Variants in LOXL2 observed in about 807,000 individuals in gnomAD.
LOXL2 encodes lysyl oxidase homolog 2.
Under a neutral mutation model 93.0 loss-of-function variants are expected in LOXL2, and 70 were observed. The observed-to-expected ratio is 0.75, with a 90% confidence interval of 0.62 to 0.92. LOXL2 has a LOEUF of 0.92. Among genes scored for constraint, LOXL2 ranks in the 40% least tolerant of loss-of-function variants. The probability of loss-of-function intolerance (pLI) is 0.00; values close to 1 mark genes in which losing one functional copy is unlikely to be tolerated. For synonymous variants in LOXL2, 438 were observed against 413.2 expected (o/e 1.06, Z -0.73); for missense variants, 973 against 1,054.9 (o/e 0.92, Z 1.08).
intron 4 of LOXL2, chr8:23,337,580 CAACCAACCAGGCA>C (rs1166654549): frequency 6.6e-6 from 1 of 152,230 alleles, no homozygotes; most frequent in African/African-American, 2.4e-5. Context: ...ACATTTCAGC[CAACCAACCAGGCA>C]AACCGCTGGA....
chr8:23,311,557 C>T (rs13261131), intron 9 of LOXL2, among the ~76,000 whole-genome samples: 24 of 152,296 alleles, frequency 1.6e-4, no homozygotes, highest in African/African-American at 5.3e-4. Context: ...GGCGAGGGAT[C>T]GTTAATGTAC....
At chr8:23,403,282 AG>A (rs1417726506) in intron 1 of LOXL2, among the ~76,000 whole-genome samples, 10 of 152,170 alleles carry the variant, frequency 6.6e-5, no homozygotes, top group African/African-American at 2.2e-4. Flanking sequence ...AAGGCGGGAG[AG>A]GGTCCCTGGT....
At position 23,322,122 on chromosome 8, in the gene LOXL2, C is replaced by A; in HGVS notation, c.1302+8G>T. The stretch of plus-strand genomic sequence containing the variant: ...TTACAGTCCCCTCTAGGTGTCCAGT[C>A]CCATCACCTTCTTCTGCAAGCCCAT... On this transcript the variant is annotated splice_region_variant and intron_variant, in intron 7 of 13. Coordinates refer to ENST00000389131, the MANE Select transcript of LOXL2 (RefSeq NM_002318.3). 1 of 1,613,784 alleles carries A rather than the reference C, an allele frequency of 6.2e-7. No homozygotes were observed. The highest frequency in any genetic ancestry group is 8.5e-7 in the Non-Finnish European group (1 of 1,179,782).
chr8:23,383,427 A>G (rs1269256071), intron 1 of LOXL2, among the ~76,000 whole-genome samples: 1 of 152,142 alleles, frequency 6.6e-6, no homozygotes, highest in African/African-American at 2.4e-5. Context: ...TTGAACCTAG[A>G]ACCTGATTGT....
chr8:23,384,128 C>T (rs1209098798), intron 1 of LOXL2, among the ~76,000 whole-genome samples: 11 of 152,110 alleles, frequency 7.2e-5, no homozygotes, highest in African/African-American at 2.2e-4. Context: ...AGGCAAATGT[C>T]GAGGTAATTT....
chr8:23,388,623 TCACACACACACACACACACACACA>T lies in LOXL2; in HGVS notation c.-84+15307_-84+15330del, dbSNP rs10522826. Among the ~76,000 whole-genome samples the T allele has an allele frequency of 1.7e-4, 25 of 142,928 alleles. 1 individual carries two copies. Among genetic ancestry groups the T allele is most frequent in the African/African-American group, 3.2e-4 (12 of 38,092 alleles). 93.8% of individuals were successfully genotyped at this position (142,928 alleles called of 152,430 possible). On this transcript the variant is annotated intron_variant, in intron 1 of 13. Coordinates refer to ENST00000389131, the MANE Select transcript of LOXL2 (RefSeq NM_002318.3). The stretch of plus-strand genomic sequence containing the variant: ...CAAAAACAAAAAGCAAAAAATATAC[TCACACACACACACACACACACACA>T]CACACACACACACACACACACACTA...
chr8:23,379,562 C>T (rs1481597448), intron 1 of LOXL2, among the ~76,000 whole-genome samples: 2 of 152,194 alleles, frequency 1.3e-5, no homozygotes, highest in East Asian at 3.9e-4. Context: ...GGCAGGCTTC[C>T]TTGAGCTGCG....
chr8:23,302,654 A>G (rs1230115999), intron 11 of LOXL2, among the ~76,000 whole-genome samples: 3 of 152,198 alleles, frequency 2.0e-5, no homozygotes, highest in Admixed American at 2.0e-4. Context: ...GGCCGCTTCA[A>G]TGAATAACAA....
chr8:23,343,520 A>G (rs75323910), intron 3 of LOXL2, among the ~76,000 whole-genome samples: 3,395 of 152,304 alleles, frequency 0.022, 108 homozygotes, highest in East Asian at 0.13. Context: ...GCCCTGTCCA[A>G]CTGAGATGCA....
Position 23,364,376 on chromosome 8 carries a change from C to T in LOXL2, c.355+3621G>A, listed in dbSNP as rs1195547185. ...TTTGGACACAAGAAAGCCATTCAAT[C>T]AGAAGCCAAATTTTATGTTACTCTT... On this transcript the variant is annotated intron_variant, in intron 2 of 13. Transcript: ENST00000389131. 2.0e-5 allele frequency: 3 copies of T among 152,228 alleles called. No individual in the cohort carries two copies. The East Asian group carries it at 5.8e-4, about 29-fold the overall frequency. The allele number at this position is 152,228 out of a possible 1,614,324, so 9.4% of individuals were successfully genotyped here.
At chr8:23,360,736 T>C (rs1317834912) in intron 2 of LOXL2, among the ~76,000 whole-genome samples, 6 of 152,034 alleles carry the variant, frequency 3.9e-5, no homozygotes, top group African/African-American at 9.7e-5. Flanking sequence ...TTACTAAAAA[T>C]AGTGATGATG....
Position 23,318,462 on chromosome 8 carries a change from A to ACAC in LOXL2, c.1471-1349_1471-1348insGTG, listed in dbSNP as rs1563188784. 6.0e-3 allele frequency among the ~76,000 whole-genome samples: 648 copies of ACAC among 108,310 alleles called. 3 individuals carry two copies. The highest frequency in any genetic ancestry group is 0.012 in the African/African-American group (241 of 20,580). The allele number at this position is 108,310 out of a possible 152,430, so 71.1% of individuals were successfully genotyped here. ...ACACACACACACACACACACACACA[A>ACAC]AAATACACATTCATACAACCTACTG... On this transcript the variant is annotated intron_variant, in intron 8 of 13. Transcript: ENST00000389131.
At chr8:23,379,503 C>T (rs895048689) in intron 1 of LOXL2, among the ~76,000 whole-genome samples, 17 of 152,214 alleles carry the variant, frequency 1.1e-4, no homozygotes, top group Non-Finnish European at 2.5e-4. Flanking sequence ...GTTTCTGCTG[C>T]CTTTTGTTCG....
chr8:23,347,118 AG>A (rs1326006462), intron 3 of LOXL2, among the ~76,000 whole-genome samples: 1 of 151,850 alleles, frequency 6.6e-6, no homozygotes, highest in Non-Finnish European at 1.5e-5. Flanking sequence ...CAGGAGTTCA[AG>A]ACCAGCCTGG....
chr8:23,336,012 C>A (rs1034631717), intron 4 of LOXL2, among the ~76,000 whole-genome samples: 1 of 152,150 alleles, frequency 6.6e-6, no homozygotes, highest in Admixed American at 6.5e-5. Flanking sequence ...ATTAATAATT[C>A]CAGGAACCAC....
chr8:23,311,701 G>A (rs573613779), intron 9 of LOXL2, among the ~76,000 whole-genome samples: 1 of 152,320 alleles, frequency 6.6e-6, no homozygotes, highest in Non-Finnish European at 1.5e-5. Flanking sequence ...CATGGCTCGA[G>A]TATTACGATG....
chr8:23,385,413 A>AT (rs201661064), intron 1 of LOXL2, among the ~76,000 whole-genome samples: 30,793 of 136,002 alleles, frequency 0.23, 3,991 homozygotes, highest in Admixed American at 0.31. Context: ...CACCCAGCTA[A>AT]TTTTTTTTTT....
At chr8:23,387,096 A>C (rs1023423802) in intron 1 of LOXL2, among the ~76,000 whole-genome samples, 1 of 152,204 alleles carries the variant, frequency 6.6e-6, no homozygotes, top group Non-Finnish European at 1.5e-5. Context: ...GAAGTCTCTG[A>C]CTGACACAAA....
rs117991196 is a variant in LOXL2 at position 23,350,842 on chromosome 8, G to A, written c.531+9248C>T. ...TTCCAAGCAGGCAGCCACTTGGGTAGGTAACAGAGGCTGCTTTTTTGGAGA... is the reference window on the plus strand; with the variant it reads ...TTCCAAGCAGGCAGCCACTTGGGTAAGTAACAGAGGCTGCTTTTTTGGAGA... On this transcript the variant is annotated intron_variant, in intron 3 of 13. Transcript: ENST00000389131. Among the ~76,000 whole-genome samples the A allele has an allele frequency of 1.3e-3, 197 of 152,296 alleles. 2 individuals carry two copies. The East Asian group carries it at 0.02, about 16-fold the overall frequency.
Sources: gnomAD v4.1 joint callset for allele counts (sites outside exome capture counted in the v4.1 genomes callset) on GRCh38, gnomAD v4.1.1 for gene constraint, MANE v1.5 for transcripts, NCBI Gene and HGNC (gene_info 2026-07-23, HGNC 2026-07-21) for gene names.